The following METTL15 variants were observed in gnomAD, a reference collection of about 807,000 sequenced individuals.
METTL15 encodes the protein methyltransferase 15, mitochondrial 12S rRNA N4-cytidine, also known as 12S rRNA N(4)-cytidine methyltransferase METTL15.
A neutral mutation model predicts 38.3 loss-of-function variants in METTL15; 34 were observed. The ratio of observed to expected loss-of-function variants is 0.89; its 90% CI spans 0.68 to 1.18. The LOEUF (loss-of-function observed/expected upper bound fraction) is 1.18. Among genes scored for constraint, METTL15 ranks in the 50% most tolerant of loss-of-function variants. The pLI is 0.00. For synonymous variants in METTL15, 162 were observed against 170.9 expected (o/e 0.95, Z 0.41); for missense variants, 438 against 498.4 (o/e 0.88, Z 1.15).
chr11:28,162,931 C>G (rs1474304829), intron 3 of METTL15, among the ~76,000 whole-genome samples: 4 of 152,110 alleles, frequency 2.6e-5, no homozygotes, highest in African/African-American at 9.6e-5. Flanking sequence ...AAATTGGGGA[C>G]TATCTGTATT....
intron 6 of METTL15, among the ~76,000 whole-genome samples, chr11:28,453,732 C>T (rs1270774400): frequency 6.6e-6 from 1 of 152,146 alleles, no homozygotes; most frequent in Non-Finnish European, 1.5e-5. Context: ...GGTTTTTGGT[C>T]AAAATTCCAT....
In METTL15 at chr11:28,509,909, C is replaced by T. The variant is rs7948754; in HGVS notation, c.*425-16569C>T. 3.1e-3 allele frequency among the ~76,000 whole-genome samples: 474 copies of T among 151,524 alleles called. 1 individual carries two copies. Among genetic ancestry groups the T allele is most frequent in the African/African-American group, 0.011 (463 of 40,884 alleles). On this transcript the variant is annotated intron_variant and NMD_transcript_variant, in intron 6 of 7. Coordinates refer to the METTL15 transcript ENST00000532947. Reference sequence around the variant, plus strand: ...TATTTTAGGTTGTAGAGTTGGCTGCCAGGTATCATTTTTTTTTTCTATTCT... The same window carrying T: ...TATTTTAGGTTGTAGAGTTGGCTGCTAGGTATCATTTTTTTTTTCTATTCT...
intron 6 of METTL15, among the ~76,000 whole-genome samples, chr11:28,514,969 G>A (rs978481114): frequency 1.3e-5 from 2 of 152,164 alleles, no homozygotes; most frequent in Non-Finnish European, 2.9e-5. Context: ...TCTTTGCCAG[G>A]TTATCTGTGA....
intron 6 of METTL15, among the ~76,000 whole-genome samples, chr11:28,430,762 TGGGAGGTGA>T (rs1564929516): frequency 1.4e-5 from 1 of 70,242 alleles, no homozygotes; most frequent in Non-Finnish European, 2.8e-5. Flanking sequence ...CCGCCCCGTC[TGGGAGGTGA>T]GGGGCGCCTC....
chr11:28,319,286 G>A (rs1333271799), intron 6 of METTL15, among the ~76,000 whole-genome samples: 1 of 152,132 alleles, frequency 6.6e-6, no homozygotes, highest in Non-Finnish European at 1.5e-5. Flanking sequence ...TAAGCCATGT[G>A]ATCTCATCTT....
intron 4 of METTL15, among the ~76,000 whole-genome samples, chr11:28,272,583 G>A (rs977807142): frequency 6.6e-6 from 1 of 152,174 alleles, no homozygotes; most frequent in African/African-American, 2.4e-5. Context: ...TGTGCGTTCA[G>A]GACAGGGATA....
At chr11:28,382,389 G>T (rs2133385844) in intron 5 of METTL15, among the ~76,000 whole-genome samples, 1 of 152,276 alleles carries the variant, frequency 6.6e-6, no homozygotes, top group African/African-American at 2.4e-5. Context: ...CTGTAGGTGA[G>T]GCGAGGCAGG....
intron 6 of METTL15, among the ~76,000 whole-genome samples, chr11:28,305,277 C>G (rs950482031): frequency 6.6e-6 from 1 of 152,198 alleles, no homozygotes; most frequent in Admixed American, 6.5e-5. Flanking sequence ...TTTGTGGCAC[C>G]AAATGGGGAG....
At chr11:28,347,725 G>A (rs1265683344) in intron 3 of METTL15, among the ~76,000 whole-genome samples, 1 of 152,158 alleles carries the variant, frequency 6.6e-6, no homozygotes, top group Non-Finnish European at 1.5e-5. Flanking sequence ...ACTCACTATA[G>A]TACCCGGAAT....
intron 6 of METTL15, among the ~76,000 whole-genome samples, chr11:28,303,141 CTT>C (rs903137698): frequency 5.3e-5 from 8 of 152,142 alleles, no homozygotes; most frequent in African/African-American, 1.9e-4. Context: ...TTCTAGCGCT[CTT>C]TTCATTCTCC....
chr11:28,235,129 T>G (rs1252076630), intron 4 of METTL15, among the ~76,000 whole-genome samples: 1 of 152,110 alleles, frequency 6.6e-6, no homozygotes, highest in Non-Finnish European at 1.5e-5. Context: ...TATGAGGCGT[T>G]ATTTCTGAGG....
chr11:28,383,149 A>G (rs1369955553), intron 5 of METTL15, among the ~76,000 whole-genome samples: 1 of 151,868 alleles, frequency 6.6e-6, no homozygotes, highest in Non-Finnish European at 1.5e-5. Flanking sequence ...CCCAGTATCT[A>G]TTGTCGCCTT....
intron 5 of METTL15, among the ~76,000 whole-genome samples, chr11:28,377,262 C>G (rs1850325876): frequency 6.6e-6 from 1 of 150,978 alleles, no homozygotes; most frequent in Admixed American, 6.6e-5. Flanking sequence ...TGTTTTCCAA[C>G]TTGGTTCCAT....
intron 4 of METTL15, among the ~76,000 whole-genome samples, chr11:28,223,815 T>C (rs1853355512): frequency 6.6e-6 from 1 of 152,086 alleles, no homozygotes; most frequent in Non-Finnish European, 1.5e-5. Flanking sequence ...CTGAAGACTG[T>C]ATAAGAGGAA....
At chr11:28,323,494 C>A (rs1565254962) in intron 6 of METTL15, among the ~76,000 whole-genome samples, 1 of 152,218 alleles carries the variant, frequency 6.6e-6, no homozygotes, top group East Asian at 1.9e-4. Flanking sequence ...TGAAAAGAGA[C>A]TTGAATGAAG....
intron 4 of METTL15, among the ~76,000 whole-genome samples, chr11:28,231,340 G>A (rs752433003): frequency 1.1e-4 from 17 of 151,768 alleles, no homozygotes; most frequent in Non-Finnish European, 1.5e-4. Context: ...AGAAGGAAGA[G>A]TACTCATTAC....
At chr11:28,398,021 T>A (rs539895742) in intron 5 of METTL15, among the ~76,000 whole-genome samples, 1 of 151,272 alleles carries the variant, frequency 6.6e-6, no homozygotes, top group South Asian at 2.1e-4. Context: ...TTCTCACTCA[T>A]AGATGGGAAT....
At chr11:28,464,468 A>G (rs1013936061) in intron 6 of METTL15, among the ~76,000 whole-genome samples, 2 of 152,194 alleles carry the variant, frequency 1.3e-5, no homozygotes, top group African/African-American at 4.8e-5. Flanking sequence ...AATGTGATTT[A>G]GAAAAATGTA....
chr11:28,166,107 G>A (rs1328322877), intron 3 of METTL15, among the ~76,000 whole-genome samples: 1 of 152,078 alleles, frequency 6.6e-6, no homozygotes, highest in Non-Finnish European at 1.5e-5. Context: ...GCTGAAGATT[G>A]CTTTGGCTTT....
Sources: allele counts gnomAD v4.1 joint callset (sites outside exome capture counted in the v4.1 genomes callset), GRCh38; gene constraint gnomAD v4.1.1; transcripts MANE v1.5; gene names NCBI Gene and HGNC (gene_info 2026-07-23, HGNC 2026-07-21).